SLC35F2: variants seen among roughly 807,000 people sequenced by gnomAD.
SLC35F2 encodes the protein queuine/queuosine transporter SLC35F2.
SLC35F2 carries 25 observed loss-of-function variants against 38.1 expected under a neutral mutation model. The observed-to-expected ratio is 0.66, with a 90% CI of 0.48 to 0.92. The LOEUF (loss-of-function observed/expected upper bound fraction) is 0.92. SLC35F2 is among the 40% of genes least tolerant of loss of function. SLC35F2 has a pLI of 0.00. For missense variants in SLC35F2, 409 were observed against 452.9 expected (o/e 0.90, Z 0.88); for synonymous variants, 173 against 181.7 (o/e 0.95, Z 0.38).
At chr11:107,794,119 C>G (rs1859180161) in intron 7 of SLC35F2, among the ~76,000 whole-genome samples, 1 of 141,700 alleles carries the variant, frequency 7.1e-6, no homozygotes, top group African/African-American at 2.7e-5. Flanking sequence ...TTTGCTCTGT[C>G]TCCCAGGCTG....
intron 1 of SLC35F2, among the ~76,000 whole-genome samples, chr11:107,851,349 G>A (rs1028552230): frequency 5.3e-5 from 8 of 151,342 alleles, no homozygotes; most frequent in African/African-American, 1.7e-4. Context: ...TATAATCCCA[G>A]CTACTTGGGA....
Position 107,806,701 on chromosome 11 carries a change from T to C in SLC35F2, c.574+16A>G, listed in dbSNP as rs747596269. 7 of 1,613,264 alleles carry C rather than the reference T, an allele frequency of 4.3e-6. No homozygotes were observed. The South Asian group carries it at 5.5e-5, about 13-fold the overall frequency. On this transcript the variant is annotated intron_variant, in intron 4 of 7. Coordinates refer to ENST00000525815, the MANE Select transcript of SLC35F2 (RefSeq NM_017515.5). The stretch of plus-strand genomic sequence containing the variant: ...ATTTGCTGTGATTGAAGCACAAACA[T>C]GTGACACCGTCTCACCTGAATTGTC...
At chr11:107,854,939 C>A (rs886634151) in intron 1 of SLC35F2, among the ~76,000 whole-genome samples, 8 of 152,172 alleles carry the variant, frequency 5.3e-5, no homozygotes, top group African/African-American at 1.9e-4. Flanking sequence ...ACTCTCCCAC[C>A]CTTGGTTCCC....
At chr11:107,807,602 T>C (rs1339896254) in intron 3 of SLC35F2, among the ~76,000 whole-genome samples, 1 of 151,668 alleles carries the variant, frequency 6.6e-6, no homozygotes, top group Non-Finnish European at 1.5e-5. Flanking sequence ...AGATGGAGTC[T>C]CGCTCTGTTG....
At chr11:107,811,316 A>G (rs761885096) in intron 3 of SLC35F2, 153 of 896,114 alleles carry the variant, frequency 1.7e-4, no homozygotes, top group Non-Finnish European at 2.0e-4. Flanking sequence ...CAAAGCTTCA[A>G]CTTTCCTATA....
intron 1 of SLC35F2, among the ~76,000 whole-genome samples, chr11:107,845,728 G>A (rs193006357): frequency 2.6e-3 from 390 of 151,494 alleles, no homozygotes; most frequent in African/African-American, 9.1e-3. Flanking sequence ...TAAGACAGGC[G>A]GATCACTTCA....
intron 1 of SLC35F2, among the ~76,000 whole-genome samples, chr11:107,843,696 A>AT (rs1860047997): frequency 6.6e-6 from 1 of 151,360 alleles, no homozygotes; most frequent in Non-Finnish European, 1.5e-5. Context: ...TTCTACAAAA[A>AT]TTTTTTTAAA....
At chr11:107,792,880 G>T in intron 7 of SLC35F2, 80 bp from the exon 8 acceptor site, 3 of 1,425,892 alleles carry the variant, frequency 2.1e-6, no homozygotes, top group South Asian at 3.4e-5. Context: ...TGTGCTTCGA[G>T]GATTACCCTC....
intron 7 of SLC35F2, among the ~76,000 whole-genome samples, chr11:107,793,477 G>C (rs888559524): frequency 2.0e-5 from 3 of 152,130 alleles, no homozygotes; most frequent in African/African-American, 7.2e-5. Context: ...CCTAGACACT[G>C]CTTACAATAT....
chr11:107,845,050 C>A (rs898928792), intron 1 of SLC35F2, among the ~76,000 whole-genome samples: 9 of 151,426 alleles, frequency 5.9e-5, no homozygotes, highest in Admixed American at 5.9e-4. Context: ...TTGCTCAGTG[C>A]ACAAAGTAAG....
chr11:107,807,975 C>A (rs1268406640), intron 3 of SLC35F2, among the ~76,000 whole-genome samples: 1 of 152,212 alleles, frequency 6.6e-6, no homozygotes, highest in Non-Finnish European at 1.5e-5. Context: ...GTGTGAGACA[C>A]TGTGAAAGGA....
At chr11:107,820,689 C>G (rs1859654597) in intron 1 of SLC35F2, among the ~76,000 whole-genome samples, 3 of 152,100 alleles carry the variant, frequency 2.0e-5, no homozygotes, top group Non-Finnish European at 4.4e-5. Flanking sequence ...GGCGCAGTGG[C>G]TCACGCCTGT....
Position 107,805,371 on chromosome 11 carries a change from C to T in SLC35F2, c.719G>A (p.Ser240Asn). 1.2e-6 allele frequency: 2 copies of T among 1,613,536 alleles called. No homozygotes were observed. The highest frequency in any genetic ancestry group is 1.7e-6 in the Non-Finnish European group (2 of 1,179,756). Reference sequence around the variant, plus strand: ...TGTAGAATCTTACAGCTGTATACCACTGATAATTGTTCCAAACAGGCCCAC... The same window carrying T: ...TGTAGAATCTTACAGCTGTATACCATTGATAATTGTTCCAAACAGGCCCAC... ...GMVGLFGTII[S>N]GIQLLIVEYK... The change falls in exon 5 of 8, where the codon AGT becomes AAT. Residue 240 changes from serine (S) to asparagine (N), a missense_variant. Coordinates refer to ENST00000525815, the MANE Select transcript of SLC35F2 (RefSeq NM_017515.5).
intron 1 of SLC35F2, among the ~76,000 whole-genome samples, chr11:107,827,190 G>A (rs1859765410): frequency 6.6e-6 from 1 of 152,058 alleles, no homozygotes; most frequent in African/African-American, 2.4e-5. Flanking sequence ...AGTATGTCAT[G>A]AGTATTTCAT....
intron 1 of SLC35F2, chr11:107,816,284 A>G (rs61906445): frequency 4.3e-6 from 4 of 937,316 alleles, no homozygotes; most frequent in African/African-American, 2.3e-5. Context: ...GTGTGTGTGT[A>G]TGACTTTTTT....
At chr11:107,843,899 ATATATATATG>A (rs1860061544) in intron 1 of SLC35F2, among the ~76,000 whole-genome samples, 2 of 124,362 alleles carry the variant, frequency 1.6e-5, no homozygotes, top group Admixed American at 9.0e-5. Flanking sequence ...ATATATATAT[ATATATATATG>A]TATATTAATT....
At chr11:107,854,751 CAT>C (rs1347492526) in intron 1 of SLC35F2, among the ~76,000 whole-genome samples, 1 of 152,090 alleles carries the variant, frequency 6.6e-6, no homozygotes. Flanking sequence ...ATAATGAAAA[CAT>C]AACAAGCTCT....
At chr11:107,804,858 G>C (rs1859368916) in intron 5 of SLC35F2, 88 bp from the exon 6 acceptor site, 2 of 1,215,948 alleles carry the variant, frequency 1.6e-6, no homozygotes, top group South Asian at 2.8e-5. Context: ...TTCAGCTAAA[G>C]TGAGGAATTA....
intron 1 of SLC35F2, among the ~76,000 whole-genome samples, chr11:107,840,901 G>C (rs1029168986): frequency 6.6e-6 from 1 of 152,106 alleles, no homozygotes; most frequent in African/African-American, 2.4e-5. Context: ...TAGAAAGCTC[G>C]TGGAGACCTG....
Sources: allele counts gnomAD v4.1 joint callset (sites outside exome capture counted in the v4.1 genomes callset), GRCh38; gene constraint gnomAD v4.1.1; transcripts MANE v1.5; gene names NCBI Gene and HGNC (gene_info 2026-07-23, HGNC 2026-07-21).